The following PGR variants were observed in gnomAD, a reference collection of about 807,000 sequenced individuals.
PGR encodes the protein progesterone receptor, also known as nuclear receptor subfamily 3 group C member 3.
Under a neutral mutation model 76.1 loss-of-function variants are expected in PGR, and 25 were observed. The observed-to-expected ratio is 0.33, with a 90% CI of 0.24 to 0.46. PGR has a LOEUF of 0.46. Among genes scored for constraint, PGR ranks in the 20% least tolerant of loss-of-function variants. PGR has a pLI of 1.00. For missense variants in PGR, 1,172 were observed against 1,225.3 expected (o/e 0.96, Z 0.65); for synonymous variants, 579 against 535.0 (o/e 1.08, Z -1.14).
intron 3 of PGR, among the ~76,000 whole-genome samples, chr11:101,067,698 A>AGTG (rs1860767605): frequency 6.6e-6 from 1 of 152,310 alleles, no homozygotes; most frequent in African/African-American, 2.4e-5. Flanking sequence ...GCAAATATCA[A>AGTG]GTGGAAGTAC....
At position 101,127,746 on chromosome 11, in the gene PGR, G is replaced by A. The variant is rs759705255; in HGVS notation, c.1325C>T (p.Ala442Val). The change falls in exon 1 of 8, where the codon GCA (alanine) becomes GTA (valine). Residue 442 changes from alanine to valine, a missense_variant. Around this residue, in one of 4 missense-constraint regions of PGR, gnomAD observed 893 missense variants for 785.9 expected, o/e 1.14. Coordinates refer to ENST00000325455, the MANE Select transcript of PGR (RefSeq NM_000926.4). The stretch of plus-strand genomic sequence containing the variant: ...AGACGAGACTGAGGCACTGGCGGGT[G>A]CGGCCGTCACCGCCGCTTCCCCGGG... ...SRPGEAAVTA[A>V]PASASVSSAS... The A allele has an allele frequency of 7.1e-6, 11 of 1,555,748 alleles. No individual in the cohort carries two copies. The South Asian group carries it at 1.2e-4, about 16-fold the overall frequency.
intron 2 of PGR, among the ~76,000 whole-genome samples, chr11:101,119,210 C>T (rs1862600005): frequency 6.6e-6 from 1 of 152,226 alleles, no homozygotes; most frequent in African/African-American, 2.4e-5. Flanking sequence ...CACTTCCTAA[C>T]AGGCCATGGG....
At chr11:101,071,676 A>G (rs977778715) in intron 3 of PGR, among the ~76,000 whole-genome samples, 6 of 151,916 alleles carry the variant, frequency 3.9e-5, no homozygotes, top group Non-Finnish European at 7.4e-5. Context: ...AACTGTGTGA[A>G]GCATACACAA....
In PGR at chr11:101,129,316, G is replaced by C; in HGVS notation, c.-246C>G. 2.0e-6 allele frequency: 1 copy of C among 488,960 alleles called. No individual in the cohort carries two copies. The highest frequency in any genetic ancestry group is 3.6e-6 in the Non-Finnish European group (1 of 277,798). 30.3% of individuals were successfully genotyped at this position (488,960 alleles called of 1,614,324 possible). A position where few individuals can be genotyped will look rare whatever the true frequency, so the allele number is the denominator to read the frequency against. On this transcript the variant is annotated 5_prime_UTR_variant, in exon 1 of 8. Transcript: ENST00000325455. ...CGTTTGTCCCAGCGAGCGGCAAGTG[G>C]GGAGCGCAAGAAAAAGTAGTAATTG...
At chr11:101,076,239 G>A (rs911400952) in intron 3 of PGR, among the ~76,000 whole-genome samples, 25 of 150,084 alleles carry the variant, frequency 1.7e-4, no homozygotes, top group South Asian at 2.1e-4. Flanking sequence ...AACACTGCAT[G>A]TTCTCTCATA....
At position 101,042,029 on chromosome 11, in the gene PGR, C is replaced by T; in HGVS notation, c.2562G>A (p.Lys854=). The change falls in exon 7 of 8, where the codon AAG becomes AAA. Residue 854 remains lysine (K), a synonymous_variant. Transcript: ENST00000325455. ...CTCCTTTTTGCCTCAAACCAATTGCCTTGATGAGCTCTCTAATGTAGCTTG... is the reference window on the plus strand; with the variant it reads ...CTCCTTTTTGCCTCAAACCAATTGCTTTGATGAGCTCTCTAATGTAGCTTG... ...MRSSYIRELI[K]AIGLRQKGVV... is the part of the protein sequence containing the mutation. 6.2e-7 allele frequency: 1 copy of T among 1,613,514 alleles called. No individual in the cohort carries two copies. The highest frequency in any genetic ancestry group is 1.1e-5 in the South Asian group (1 of 91,076).
intron 3 of PGR, among the ~76,000 whole-genome samples, chr11:101,066,539 T>C (rs901283477): frequency 2.0e-5 from 3 of 152,182 alleles, no homozygotes; most frequent in Non-Finnish European, 2.9e-5. Context: ...TTACCAAATT[T>C]ACAGTCCTAG....
intron 3 of PGR, among the ~76,000 whole-genome samples, chr11:101,066,380 A>G (rs1294678387): frequency 2.6e-5 from 4 of 152,026 alleles, no homozygotes; most frequent in Non-Finnish European, 5.9e-5. Flanking sequence ...TCACTCTTTC[A>G]GTCTCTCTGT....
Position 101,128,034 on chromosome 11 carries a change from G to A in PGR, c.1037C>T (p.Pro346Leu). The change falls in exon 1 of 8, where the codon CCC (proline) becomes CTC (leucine). Residue 346 changes from proline (P) to leucine (L), a missense_variant. Coordinates refer to ENST00000325455, the MANE Select transcript of PGR (RefSeq NM_000926.4). The part of the protein sequence containing the change: ...ASAFAPPRSS[P>L]CASSTPVAVG... The stretch of plus-strand genomic sequence containing the variant: ...AGCGACCGGGGTGGACGAGGCACAG[G>A]GTGAACTCCGCGGCGGGGCAAAGGC... The A allele has an allele frequency of 1.2e-6, 2 of 1,607,356 alleles. No individual in the cohort carries two copies. Among genetic ancestry groups the A allele is most frequent in the South Asian group, 1.1e-5 (1 of 91,060 alleles).
At chr11:101,116,584 A>T (rs1337397682) in intron 2 of PGR, among the ~76,000 whole-genome samples, 1 of 151,968 alleles carries the variant, frequency 6.6e-6, no homozygotes, top group Non-Finnish European at 1.5e-5. Context: ...TACTAAAAAT[A>T]AAAAAATTAG....
At chr11:101,053,325 G>A (rs73571733) in intron 4 of PGR, among the ~76,000 whole-genome samples, 6,882 of 152,142 alleles carry the variant, frequency 0.045, 549 homozygotes, top group African/African-American at 0.16. Flanking sequence ...ATACACTTCA[G>A]ATCGTCCCAT....
chr11:101,056,067 C>T (rs1860278022), intron 4 of PGR, among the ~76,000 whole-genome samples: 1 of 152,016 alleles, frequency 6.6e-6, no homozygotes, highest in Non-Finnish European at 1.5e-5. Flanking sequence ...TCCTTATTAA[C>T]TGTAATATCA....
chr11:101,069,881 C>A (rs1860859348), intron 3 of PGR, among the ~76,000 whole-genome samples: 2 of 152,020 alleles, frequency 1.3e-5, no homozygotes, highest in South Asian at 4.2e-4. Flanking sequence ...GGAGGGATAG[C>A]ACTAGTAGAA....
At chr11:101,098,633 G>A (rs767588715) in intron 2 of PGR, among the ~76,000 whole-genome samples, 2 of 152,100 alleles carry the variant, frequency 1.3e-5, no homozygotes, top group African/African-American at 2.4e-5. Context: ...GAAAGCTGGA[G>A]GAACAAACTT....
At chr11:101,090,991 T>G (rs1861658153) in intron 3 of PGR, among the ~76,000 whole-genome samples, 1 of 152,220 alleles carries the variant, frequency 6.6e-6, no homozygotes, top group Non-Finnish European at 1.5e-5. Flanking sequence ...AACAATTATG[T>G]AATATTTTTA....
chr11:101,107,769 C>T (rs1862210475), intron 2 of PGR, among the ~76,000 whole-genome samples: 1 of 149,510 alleles, frequency 6.7e-6, no homozygotes, highest in Non-Finnish European at 1.5e-5. Context: ...TGTTCAACTT[C>T]ATTATTTCTT....
At chr11:101,077,785 AGTGAACTTGGGGAGCAAT>A (rs1385665062) in intron 3 of PGR, among the ~76,000 whole-genome samples, 1 of 152,200 alleles carries the variant, frequency 6.6e-6, no homozygotes, top group African/African-American at 2.4e-5. Flanking sequence ...GCTCCAATGC[AGTGAACTTGGGGAGCAAT>A]GTGAGAGGTG....
chr11:101,059,194 G>A (rs1194053524), intron 4 of PGR, among the ~76,000 whole-genome samples: 1 of 151,882 alleles, frequency 6.6e-6, no homozygotes. Context: ...GTAAGATGCA[G>A]TTTAACTGAC....
intron 3 of PGR, among the ~76,000 whole-genome samples, chr11:101,074,506 G>A (rs980193522): frequency 2.0e-5 from 3 of 152,142 alleles, no homozygotes; most frequent in South Asian, 2.1e-4. Context: ...GAAATAAAGC[G>A]TATTCAAATA....
Sources: gnomAD v4.1 joint callset for allele counts (sites outside exome capture counted in the v4.1 genomes callset) on GRCh38, gnomAD v4.1.1 for gene constraint, gnomAD v4.1.1 regional missense constraint, MANE v1.5 for transcripts, NCBI Gene and HGNC (gene_info 2026-07-23, HGNC 2026-07-21) for gene names.